The following TENM2 variants were observed in gnomAD, a reference collection of about 807,000 sequenced individuals.
TENM2 encodes the protein teneurin-2.
A neutral mutation model predicts 245.2 loss-of-function variants in TENM2; 52 were observed. The ratio of observed to expected loss-of-function variants is 0.21; its 90% CI spans 0.17 to 0.27. The LOEUF (loss-of-function observed/expected upper bound fraction) is 0.27, where lower values mean the gene tolerates loss of function less well. TENM2 is among the 10% of genes least tolerant of loss of function. The pLI is 1.00. For synonymous variants in TENM2, 1,363 were observed against 1,438.9 expected, an observed-to-expected ratio of 0.95 and a Z score of 1.19; for missense variants, 3,046 against 3,666.8, an observed-to-expected ratio of 0.83 and a Z score of 4.37.
At chr5:168,225,782 AAAG>A (rs1764124218) in intron 23 of TENM2, among the ~76,000 whole-genome samples, 1 of 151,928 alleles carries the variant, frequency 6.6e-6, no homozygotes, top group South Asian at 2.1e-4. Context: ...AAAAAAAAGA[AAAG>A]AAACAGAAAA....
At chr5:167,966,845 C>T (rs964173080) in intron 4 of TENM2, 5 of 152,130 alleles carry the variant, frequency 3.3e-5, no homozygotes, top group African/African-American at 7.2e-5. Context: ...CCAAATGCAT[C>T]GAAGCACTTT....
intron 2 of TENM2, among the ~76,000 whole-genome samples, chr5:167,855,519 C>T (rs890848475): frequency 6.6e-6 from 1 of 151,878 alleles, no homozygotes; most frequent in African/African-American, 2.4e-5. Flanking sequence ...GTTGATTGCC[C>T]CTTCTCTACC....
intron 2 of TENM2, among the ~76,000 whole-genome samples, chr5:167,675,093 G>T (rs901770944): frequency 3.3e-5 from 5 of 152,106 alleles, no homozygotes; most frequent in African/African-American, 1.2e-4. Context: ...CCAGGAATAT[G>T]TAAGCTCTCC....
chr5:167,007,749 C>T, the TENM2 span, among the ~76,000 whole-genome samples: 1 of 152,160 alleles, frequency 6.6e-6, no homozygotes, highest in Admixed American at 6.5e-5. This position sits in a 1 kb window ranked among gnomAD's most constrained non-coding sequence, Gnocchi z 4.2. Flanking sequence ...GTATCGAATC[C>T]ATTATTTTAA....
intron 2 of TENM2, among the ~76,000 whole-genome samples, chr5:167,861,348 G>C (rs1227359284): frequency 6.6e-6 from 1 of 152,188 alleles, no homozygotes; most frequent in Non-Finnish European, 1.5e-5. Flanking sequence ...GTGGAGACCA[G>C]GGAAAAATCT....
At chr5:167,114,009 T>C in the TENM2 span, among the ~76,000 whole-genome samples, 1 of 152,246 alleles carries the variant, frequency 6.6e-6, no homozygotes, top group East Asian at 1.9e-4. Context: ...CTCTCAAGGG[T>C]GTGGCCACAA....
chr5:167,921,724 A>G (rs1327864560), intron 3 of TENM2, among the ~76,000 whole-genome samples: 1 of 152,198 alleles, frequency 6.6e-6, no homozygotes, highest in Non-Finnish European at 1.5e-5. Context: ...GGCATGACAG[A>G]AATTATATTA....
intron 2 of TENM2, among the ~76,000 whole-genome samples, chr5:167,412,872 C>T (rs561728492): frequency 1.5e-4 from 14 of 94,682 alleles, no homozygotes; most frequent in South Asian, 4.1e-4. Context: ...AATATGTCAT[C>T]GAAAGCAAAA....
At chr5:167,722,611 T>TA (rs1759707344) in intron 2 of TENM2, among the ~76,000 whole-genome samples, 2 of 151,972 alleles carry the variant, frequency 1.3e-5, no homozygotes, top group South Asian at 4.2e-4. Flanking sequence ...CCATCTCTAC[T>TA]AAAAATACAA....
chr5:167,588,005 C>T (rs888930362), intron 2 of TENM2, among the ~76,000 whole-genome samples: 1 of 152,124 alleles, frequency 6.6e-6, no homozygotes, highest in Non-Finnish European at 1.5e-5. Context: ...ATGCTGAGAT[C>T]CAAAGAGGCA....
At chr5:168,006,048 G>A (rs1046732818) in intron 5 of TENM2, among the ~76,000 whole-genome samples, 3 of 152,130 alleles carry the variant, frequency 2.0e-5, no homozygotes, top group South Asian at 4.1e-4. Flanking sequence ...CACTGGCTTC[G>A]TGAAAAAACA....
the TENM2 span, among the ~76,000 whole-genome samples, chr5:167,184,570 G>A: frequency 6.6e-6 from 1 of 152,086 alleles, no homozygotes; most frequent in African/African-American, 2.4e-5. Context: ...GCGAGTGTTT[G>A]GAATCAGTAC....
chr5:167,377,701 C>T (rs561077613), intron 2 of TENM2, among the ~76,000 whole-genome samples: 1 of 152,270 alleles, frequency 6.6e-6, no homozygotes, highest in Admixed American at 6.5e-5. Flanking sequence ...TGCTCTTTCT[C>T]TCTGACAAAT....
At chr5:167,753,077 T>C (rs187459071) in intron 2 of TENM2, among the ~76,000 whole-genome samples, 13 of 152,310 alleles carry the variant, frequency 8.5e-5, no homozygotes, top group Non-Finnish European at 1.6e-4. Flanking sequence ...CTTAGAAAGA[T>C]AATGGTTTCC....
chr5:167,058,510 G>C, the TENM2 span, among the ~76,000 whole-genome samples: 1 of 152,190 alleles, frequency 6.6e-6, no homozygotes, highest in Non-Finnish European at 1.5e-5. Flanking sequence ...TGTTATCCCA[G>C]CACTTTGGGA....
At chr5:168,254,650 A>G (rs1385432284) in intron 27 of TENM2, among the ~76,000 whole-genome samples, 2 of 152,216 alleles carry the variant, frequency 1.3e-5, no homozygotes, top group African/African-American at 2.4e-5. Context: ...TCACAGAGGC[A>G]GGAGGGCTCT....
intron 5 of TENM2, among the ~76,000 whole-genome samples, chr5:168,021,331 A>C (rs905304368): frequency 2.0e-5 from 3 of 152,252 alleles, no homozygotes; most frequent in African/African-American, 7.2e-5. Flanking sequence ...AACCAGCAGC[A>C]GTATTTGCTT....
chr5:167,171,729 G>T, the TENM2 span, among the ~76,000 whole-genome samples: 1 of 152,174 alleles, frequency 6.6e-6, no homozygotes. Context: ...CAGAGAGGGA[G>T]AGGAAGATCA....
chr5:167,103,784 A>G, the TENM2 span, among the ~76,000 whole-genome samples: 1 of 151,846 alleles, frequency 6.6e-6, no homozygotes, highest in Non-Finnish European at 1.5e-5. Flanking sequence ...TGAGGGCCCT[A>G]TCAACCTCTT....
Sources: gnomAD v4.1 joint callset for allele counts (sites outside exome capture counted in the v4.1 genomes callset) on GRCh38, gnomAD v4.1.1 for gene constraint, Gnocchi (gnomAD v3.1) non-coding constraint, MANE v1.5 for transcripts, NCBI Gene and HGNC (gene_info 2026-07-23, HGNC 2026-07-21) for gene names.